Variants in FYB1 observed in about 807,000 individuals in gnomAD.
The protein encoded by FYB1 is FYN binding protein 1.
A neutral mutation model predicts 94.1 loss-of-function variants in FYB1; 41 were observed. The observed-to-expected ratio is 0.44, with a 90% CI of 0.34 to 0.57. The LOEUF is 0.57. Ranked by LOEUF, FYB1 falls within the 20% of genes least tolerant of loss-of-function variation. The probability of loss-of-function intolerance (pLI) is 0.02; values close to 1 mark genes in which losing one functional copy is unlikely to be tolerated. For synonymous variants in FYB1, 367 were observed against 353.2 expected (o/e 1.04, Z -0.44); for missense variants, 1,050 against 976.8 (o/e 1.07, Z -1.00).
chr5:39,125,239 A>G (rs1740533097), intron 12 of FYB1, among the ~76,000 whole-genome samples: 1 of 152,178 alleles, frequency 6.6e-6, no homozygotes, highest in Admixed American at 6.6e-5. Flanking sequence ...TGGAATTAAC[A>G]TCTTATAAAG....
At chr5:39,107,552 C>A in intron 18 of FYB1, 87 bp from the exon 19 acceptor site, 1 of 844,136 alleles carries the variant, frequency 1.2e-6, no homozygotes, top group Non-Finnish European at 1.8e-6. Flanking sequence ...GTGATTCATA[C>A]TCTCCTGGTT....
At chr5:39,219,315 G>A (rs753166133) in intron 1 of FYB1, 128 bp downstream of exon 1, 23 of 487,710 alleles carry the variant, frequency 4.7e-5, no homozygotes, top group Non-Finnish European at 5.6e-5. Flanking sequence ...TTTTCCAACA[G>A]AACATGCGTT....
chr5:39,274,177 C>A (rs1361401306), intron 1 of FYB1, among the ~76,000 whole-genome samples: 1 of 152,174 alleles, frequency 6.6e-6, no homozygotes, highest in Non-Finnish European at 1.5e-5. Context: ...CCCACCTTGG[C>A]CTCCCAAAGT....
At chr5:39,201,242 C>G (rs1007731488) in intron 2 of FYB1, among the ~76,000 whole-genome samples, 5 of 152,164 alleles carry the variant, frequency 3.3e-5, no homozygotes, top group African/African-American at 1.2e-4. Context: ...CTTGTCATCT[C>G]TGTACTATTG....
intron 9 of FYB1, among the ~76,000 whole-genome samples, chr5:39,130,954 C>G (rs143699611): frequency 6.6e-6 from 1 of 152,148 alleles, no homozygotes; most frequent in East Asian, 1.9e-4. Context: ...AAACAAGCCC[C>G]AAGGGTATTA....
At chr5:39,127,088 TCTTAAA>T (rs1465326400) in intron 11 of FYB1, among the ~76,000 whole-genome samples, 11 of 129,728 alleles carry the variant, frequency 8.5e-5, no homozygotes, top group Non-Finnish European at 1.7e-4. Context: ...AAAAAAGAAA[TCTTAAA>T]CTTTTAAATA....
intron 18 of FYB1, 116 bp downstream of exon 18, chr5:39,108,115 G>A: frequency 1.0e-6 from 1 of 973,196 alleles, no homozygotes; most frequent in Non-Finnish European, 1.5e-6. Flanking sequence ...ACATTTTCAA[G>A]TGATTCAAAT....
At chr5:39,261,739 T>C (rs1442003469) in intron 1 of FYB1, among the ~76,000 whole-genome samples, 2 of 151,244 alleles carry the variant, frequency 1.3e-5, no homozygotes, top group Admixed American at 6.6e-5. Flanking sequence ...AAGGCGAGAC[T>C]CTGTCTCAAA....
At chr5:39,217,040 C>A (rs1579715509) in intron 1 of FYB1, among the ~76,000 whole-genome samples, 1 of 152,298 alleles carries the variant, frequency 6.6e-6, no homozygotes, top group Non-Finnish European at 1.5e-5. Context: ...GGAAATATTC[C>A]TTGACTTCCA....
chr5:39,232,969 G>T (rs1750812644), intron 1 of FYB1, among the ~76,000 whole-genome samples: 1 of 151,986 alleles, frequency 6.6e-6, no homozygotes, highest in East Asian at 1.9e-4. Flanking sequence ...GTCTATCATT[G>T]TTGGACATGT....
intron 13 of FYB1, among the ~76,000 whole-genome samples, chr5:39,123,101 G>A (rs1740281912): frequency 6.6e-6 from 1 of 152,040 alleles, no homozygotes; most frequent in African/African-American, 2.4e-5. Flanking sequence ...CTTCCTCCCT[G>A]CACATATTAA....
intron 1 of FYB1, chr5:39,269,932 A>G (rs1203932912): frequency 2.0e-5 from 3 of 152,166 alleles, no homozygotes; most frequent in Non-Finnish European, 4.4e-5. Context: ...GAAATAATGG[A>G]AAATTATGAA....
At chr5:39,262,072 T>C (rs1333580160) in intron 1 of FYB1, among the ~76,000 whole-genome samples, 1 of 152,124 alleles carries the variant, frequency 6.6e-6, no homozygotes, top group Non-Finnish European at 1.5e-5. Flanking sequence ...GAAAAATGAC[T>C]TTAATATTTA....
intron 16 of FYB1, among the ~76,000 whole-genome samples, chr5:39,113,816 C>A (rs1250653603): frequency 3.3e-5 from 5 of 151,972 alleles, no homozygotes; most frequent in Non-Finnish European, 5.9e-5. Context: ...GCAAGTGGAA[C>A]AATGTCCAAT....
intron 12 of FYB1, among the ~76,000 whole-genome samples, chr5:39,124,934 C>T (rs929444135): frequency 1.9e-4 from 29 of 151,392 alleles, no homozygotes; most frequent in Admixed American, 8.6e-4. Flanking sequence ...CACACACACA[C>T]ACACACACAC....
At chr5:39,246,372 T>G (rs891448070) in intron 1 of FYB1, among the ~76,000 whole-genome samples, 1 of 152,350 alleles carries the variant, frequency 6.6e-6, no homozygotes, top group Non-Finnish European at 1.5e-5. Context: ...TATTATATAA[T>G]GAATATAATA....
chr5:39,149,059 GT>G (rs1234589968), intron 3 of FYB1, among the ~76,000 whole-genome samples: 1 of 152,166 alleles, frequency 6.6e-6, no homozygotes, highest in East Asian at 1.9e-4. Flanking sequence ...AAATGCCTGA[GT>G]AAAAATAGCA....
chr5:39,161,446 A>G (rs1393989452), intron 2 of FYB1, among the ~76,000 whole-genome samples: 1 of 152,194 alleles, frequency 6.6e-6, no homozygotes, highest in Non-Finnish European at 1.5e-5. Context: ...AGTTGTTACT[A>G]GTTTCTTAGG....
chr5:39,125,109 A>C (rs937708117), intron 12 of FYB1, among the ~76,000 whole-genome samples: 1 of 151,998 alleles, frequency 6.6e-6, no homozygotes, highest in Admixed American at 6.6e-5. Context: ...ATTTTTAAGT[A>C]AGGGTTATAT....
Sources: gnomAD v4.1 joint callset for allele counts (sites outside exome capture counted in the v4.1 genomes callset) on GRCh38, gnomAD v4.1.1 for gene constraint, MANE v1.5 for transcripts, NCBI Gene and HGNC (gene_info 2026-07-23, HGNC 2026-07-21) for gene names.